Variants in LPP observed in about 807,000 individuals in gnomAD.
The protein encoded by LPP is LIM domain containing preferred translocation partner in lipoma.
Under a neutral mutation model 60.4 loss-of-function variants are expected in LPP, and 38 were observed. The observed-to-expected ratio is 0.63, with a 90% CI of 0.49 to 0.83. LPP has a LOEUF of 0.83. Among genes scored for constraint, LPP ranks in the 40% least tolerant of loss-of-function variants. The pLI is 0.00. For synonymous variants in LPP, 328 were observed against 290.8 expected, an observed-to-expected ratio of 1.13 and a Z score of -1.30; for missense variants, 902 against 783.6, an observed-to-expected ratio of 1.15 and a Z score of -1.80.
intron 9 of LPP, among the ~76,000 whole-genome samples, chr3:188,797,246 C>T (rs3846186): frequency 6.6e-6 from 1 of 151,870 alleles, no homozygotes; most frequent in Non-Finnish European, 1.5e-5. Flanking sequence ...AAGTCAATAG[C>T]GTGAGAAGTC....
intron 6 of LPP, among the ~76,000 whole-genome samples, chr3:188,541,109 T>C (rs1163416722): frequency 2.0e-5 from 3 of 152,246 alleles, no homozygotes; most frequent in Admixed American, 6.5e-5. Flanking sequence ...TTTGTCACAA[T>C]TTACTAACCC....
At chr3:188,376,801 T>A (rs530701503) in intron 3 of LPP, among the ~76,000 whole-genome samples, 28 of 152,324 alleles carry the variant, frequency 1.8e-4, no homozygotes, top group Admixed American at 1.4e-3. Context: ...TTCCTAGCCT[T>A]GATGGTCTTT....
chr3:188,535,859 C>T (rs10937350), intron 6 of LPP, among the ~76,000 whole-genome samples: 72,249 of 151,866 alleles, frequency 0.48, 18,058 homozygotes, highest in East Asian at 0.92. Context: ...TATTATGTTA[C>T]TATTTCCTAA....
intron 2 of LPP, among the ~76,000 whole-genome samples, chr3:188,293,324 TA>T (rs1180527446): frequency 6.6e-6 from 1 of 152,252 alleles, no homozygotes; most frequent in African/African-American, 2.4e-5. Context: ...TGGGGCTCTG[TA>T]ACTATGGCTC....
At chr3:188,830,779 T>G (rs1030202315) in intron 9 of LPP, among the ~76,000 whole-genome samples, 1 of 152,236 alleles carries the variant, frequency 6.6e-6, no homozygotes, top group East Asian at 1.9e-4. Context: ...ACATGTCAAT[T>G]TTTCCTATTA....
At chr3:188,470,305 C>CAT (rs1479834711) in intron 4 of LPP, among the ~76,000 whole-genome samples, 4 of 144,542 alleles carry the variant, frequency 2.8e-5, no homozygotes, top group South Asian at 2.2e-4. Context: ...CACACACACA[C>CAT]ACACACACAC....
At chr3:188,495,204 T>C (rs1466670530) in intron 5 of LPP, among the ~76,000 whole-genome samples, 1 of 143,572 alleles carries the variant, frequency 7.0e-6, no homozygotes, top group Non-Finnish European at 1.5e-5. Context: ...TTTATAAATA[T>C]ATATATATTT....
chr3:188,804,798 T>A (rs906390820), intron 9 of LPP, among the ~76,000 whole-genome samples: 1 of 152,034 alleles, frequency 6.6e-6, no homozygotes, highest in Non-Finnish European at 1.5e-5. Flanking sequence ...AAACATTGAG[T>A]CTTTTGCCAT....
At chr3:188,708,492 G>A in intron 8 of LPP, 99 bp downstream of exon 8, 2 of 1,510,190 alleles carry the variant, frequency 1.3e-6, no homozygotes, top group Non-Finnish European at 1.8e-6. Context: ...TAAAGTATTT[G>A]AGTCCAGATG....
intron 3 of LPP, among the ~76,000 whole-genome samples, chr3:188,346,154 GTATGT>G (rs147957063): frequency 0.09 from 13,592 of 150,440 alleles, 665 homozygotes; most frequent in Non-Finnish European, 0.098. Context: ...TTTCCAAACA[GTATGT>G]TTGCAGCTTT....
chr3:188,312,430 T>A (rs1753748903), intron 2 of LPP, among the ~76,000 whole-genome samples: 1 of 152,238 alleles, frequency 6.6e-6, no homozygotes, highest in East Asian at 1.9e-4. Flanking sequence ...CATTTTGCAT[T>A]TCTTTTTTAA....
At chr3:188,245,327 G>A (rs1304697718) in intron 2 of LPP, among the ~76,000 whole-genome samples, 1 of 152,092 alleles carries the variant, frequency 6.6e-6, no homozygotes, top group African/African-American at 2.4e-5. Context: ...TGGTCATGCT[G>A]GTCTCGAACT....
chr3:188,797,626 G>GAAATGCTTA (rs1273652161), intron 9 of LPP, among the ~76,000 whole-genome samples: 2 of 152,070 alleles, frequency 1.3e-5, no homozygotes, highest in Non-Finnish European at 2.9e-5. Flanking sequence ...CCCCTGCATT[G>GAAATGCTTA]AAATGCCTTT....
chr3:188,359,377 A>G (rs1219497224), intron 3 of LPP, among the ~76,000 whole-genome samples: 3 of 152,176 alleles, frequency 2.0e-5, no homozygotes, highest in Non-Finnish European at 4.4e-5. Flanking sequence ...AAATGTGCAT[A>G]CGGGTGAGAG....
intron 5 of LPP, among the ~76,000 whole-genome samples, chr3:188,498,561 A>G (rs1429114268): frequency 6.6e-6 from 1 of 152,190 alleles, no homozygotes; most frequent in Admixed American, 6.5e-5. Context: ...GTTCTTGTTA[A>G]TAGACATTTG....
intron 3 of LPP, among the ~76,000 whole-genome samples, chr3:188,358,172 A>C (rs1369035910): frequency 6.6e-6 from 1 of 152,178 alleles, no homozygotes; most frequent in South Asian, 2.1e-4. Flanking sequence ...TCACCATTTC[A>C]CAGAGGAAGA....
At chr3:188,449,399 A>G (rs751734465) in intron 4 of LPP, among the ~76,000 whole-genome samples, 2 of 152,190 alleles carry the variant, frequency 1.3e-5, no homozygotes, top group Non-Finnish European at 2.9e-5. Flanking sequence ...ATGAATTTTT[A>G]GAAATATATA....
chr3:188,373,983 GT>G (rs1386024274), intron 3 of LPP, among the ~76,000 whole-genome samples: 1 of 152,128 alleles, frequency 6.6e-6, no homozygotes, highest in Non-Finnish European at 1.5e-5. Context: ...CCCATTATTT[GT>G]TTTTGTCAGG....
At chr3:188,153,945 G>A (rs1715212278), upstream of LPP, 1 of 152,620 alleles carries the variant, frequency 6.6e-6, no homozygotes, top group Admixed American at 6.5e-5. Flanking sequence ...TTTGTCTGTG[G>A]GTTCGTTCCC....
Sources: allele counts gnomAD v4.1 joint callset (sites outside exome capture counted in the v4.1 genomes callset), GRCh38; gene constraint gnomAD v4.1.1; transcripts MANE v1.5; gene names NCBI Gene and HGNC (gene_info 2026-07-23, HGNC 2026-07-21).